Variants in SSH1 observed in about 807,000 individuals in gnomAD.
The protein encoded by SSH1 is protein phosphatase Slingshot homolog 1.
Under a neutral mutation model 79.7 loss-of-function variants are expected in SSH1, and 43 were observed. The observed-to-expected ratio is 0.54, with a 90% CI of 0.42 to 0.70. The LOEUF (loss-of-function observed/expected upper bound fraction) is 0.70. Ranked by LOEUF, SSH1 falls within the 30% of genes least tolerant of loss-of-function variation. The pLI, the probability that SSH1 is intolerant of heterozygous loss-of-function variation, is 0.00. For missense variants in SSH1, 1,206 were observed against 1,358.8 expected, an observed-to-expected ratio of 0.89 and a Z score of 1.77; for synonymous variants, 599 against 538.3, an observed-to-expected ratio of 1.11 and a Z score of -1.56.
chr12:108,839,218 C>T (rs990089890), intron 2 of SSH1, among the ~76,000 whole-genome samples: 21 of 152,196 alleles, frequency 1.4e-4, no homozygotes, highest in African/African-American at 5.1e-4. Context: ...TATTGTTTCA[C>T]AAGAGGTTCT....
intron 1 of SSH1, among the ~76,000 whole-genome samples, chr12:108,854,849 C>T (rs2039112800): frequency 1.3e-5 from 2 of 152,210 alleles, no homozygotes; most frequent in African/African-American, 4.8e-5. Flanking sequence ...CAGAACCGGC[C>T]TGGCCTAGGT....
At chr12:108,853,052 A>G in intron 1 of SSH1, 1 of 985,336 alleles carries the variant, frequency 1.0e-6, no homozygotes, top group Non-Finnish European at 1.2e-6. Context: ...GGTCATGTTT[A>G]AAGAGAATCC....
intron 2 of SSH1, among the ~76,000 whole-genome samples, chr12:108,834,851 T>C (rs921322525): frequency 6.6e-6 from 1 of 152,200 alleles, no homozygotes; most frequent in African/African-American, 2.4e-5. Context: ...TGAAAGTAAG[T>C]GCTGGTAGAT....
At chr12:108,826,292 A>T (rs1029407681) in intron 2 of SSH1, 6 of 384,744 alleles carry the variant, frequency 1.6e-5, no homozygotes, top group African/African-American at 1.3e-4. Context: ...ATGTTCCTAC[A>T]CTGATAAGAA....
rs547496616 is a variant in SSH1, at chr12:108,841,974, T to A, written c.110+10664A>T. 2.0e-5 allele frequency among the ~76,000 whole-genome samples: 3 copies of A among 151,916 alleles called. No homozygotes were observed. In the South Asian group the frequency reaches 6.3e-4, roughly 32 times the overall value. ...GCCTGGGCAACACAGTGAGACCCTG[T>A]CTCTACCAAAAATACAAGGTGGTGT... On this transcript the variant is annotated intron_variant, in intron 2 of 14. Transcript: ENST00000326495.
intron 10 of SSH1, 110 bp from the exon 11 acceptor site, chr12:108,802,478 C>G (rs1001668024): frequency 4.3e-5 from 40 of 938,832 alleles, no homozygotes; most frequent in Non-Finnish European, 5.7e-5. Context: ...ATTTCATGGC[C>G]CCATTGGCCT....
At chr12:108,851,068 G>A (rs1390262491) in intron 2 of SSH1, among the ~76,000 whole-genome samples, 3 of 152,062 alleles carry the variant, frequency 2.0e-5, no homozygotes, top group South Asian at 2.1e-4. Flanking sequence ...GAACCCTGAC[G>A]TGGGCCCTGA....
rs756465954 is a variant in SSH1 at position 108,788,162 on chromosome 12, C to T, written c.2976G>A (p.Leu992=). ...LGSLTFSTED[L]SSEADPSTVA... is the part of the protein sequence containing the mutation. ...CGGTGGACGGGTCAGCCTCACTGGA[C>T]AGGTCTTCCGTTGAGAAGGTGAGAC... The change falls in exon 15 of 15, where the codon CTG becomes CTA. Residue 992 remains leucine, a synonymous_variant. Transcript: ENST00000326495. 4.3e-6 allele frequency: 7 copies of T among 1,613,864 alleles called. No homozygotes were observed. The African/African-American group carries it at 9.4e-5, about 22-fold the overall frequency.
At chr12:108,831,442 T>C (rs1290520739) in intron 2 of SSH1, among the ~76,000 whole-genome samples, 1 of 152,174 alleles carries the variant, frequency 6.6e-6, no homozygotes, top group African/African-American at 2.4e-5. Flanking sequence ...TGCTAAGGCC[T>C]GAGAATTTAG....
intron 5 of SSH1, 140 bp downstream of exon 5, chr12:108,816,898 C>T (rs1026346024): frequency 1.5e-6 from 2 of 1,293,366 alleles, no homozygotes; most frequent in African/African-American, 2.9e-5. Context: ...CCCTAGTGTT[C>T]CCAGTGGCTC....
chr12:108,852,236 TTC>T (rs1195428342), intron 2 of SSH1, among the ~76,000 whole-genome samples: 1 of 148,968 alleles, frequency 6.7e-6, no homozygotes, highest in Non-Finnish European at 1.5e-5. Flanking sequence ...AATTGGCATA[TTC>T]TTTTTTTTTT....
rs1233127968 is a variant in SSH1 at position 108,857,583 on chromosome 12, T to G, written c.-87A>C. Reference sequence around the variant, plus strand: ...CGCCCGGGCCGGGCCCGGGGCCTCCTGGAGCCGCGCGCGGGCGGCCGGGCC... The same window carrying G: ...CGCCCGGGCCGGGCCCGGGGCCTCCGGGAGCCGCGCGCGGGCGGCCGGGCC... On this transcript the variant is annotated 5_prime_UTR_variant, in exon 1 of 15. Coordinates refer to ENST00000326495, the MANE Select transcript of SSH1 (RefSeq NM_018984.4). This position sits in a 1 kb window ranked among gnomAD's most constrained non-coding sequence, Gnocchi z 4.7. 7.5e-6 allele frequency: 6 copies of G among 799,470 alleles called. No individual in the cohort carries two copies. The highest frequency in any genetic ancestry group is 1.3e-4 in the East Asian group (1 of 7,816). The allele number at this position is 799,470 out of a possible 1,614,324, so 49.5% of individuals were successfully genotyped here.
At chr12:108,792,247 G>T (rs149188196) in intron 14 of SSH1, 39 bp downstream of exon 14, 19,765 of 1,614,102 alleles carry the variant, frequency 0.012, 121 homozygotes, top group Non-Finnish European at 0.014. Context: ...GGGATGGAAG[G>T]GATGGGGTGT....
intron 5 of SSH1, among the ~76,000 whole-genome samples, chr12:108,814,585 C>A (rs571847345): frequency 6.6e-6 from 1 of 152,124 alleles, no homozygotes; most frequent in African/African-American, 2.4e-5. Flanking sequence ...TCAGGCCCAG[C>A]GACAGGAAAG....
At chr12:108,802,881 G>A (rs999784580) in intron 10 of SSH1, among the ~76,000 whole-genome samples, 2 of 152,192 alleles carry the variant, frequency 1.3e-5, no homozygotes, top group Admixed American at 6.5e-5. Flanking sequence ...CTCACACAGT[G>A]ATTTAGGTAG....
chr12:108,799,233 T>A (rs2036883805), intron 12 of SSH1, 33 bp from the exon 13 acceptor site: 1 of 1,577,644 alleles, frequency 6.3e-7, no homozygotes, highest in African/African-American at 1.4e-5. Context: ...GGAGGAGAGA[T>A]GGGGGAGAAG....
chr12:108,779,995 T>A lies in SSH1; in HGVS notation c.*7993A>T, dbSNP rs954135196. On this transcript the variant is annotated 3_prime_UTR_variant, in exon 15 of 15. Transcript: ENST00000326495. The stretch of plus-strand genomic sequence containing the variant: ...CAACCCTCTCACCTCTTTTGAGATA[T>A]GCATCACAGACCACAATGCCCAGTT... 2 of 152,220 alleles carry A rather than the reference T, an allele frequency of 1.3e-5. No homozygotes were observed. The highest frequency in any genetic ancestry group is 2.9e-5 in the Non-Finnish European group (2 of 68,044). The allele number at this position is 152,220 out of a possible 1,614,324, so 9.4% of individuals were successfully genotyped here. A position where few individuals can be genotyped will look rare whatever the true frequency, so the allele number is the denominator to read the frequency against.
intron 1 of SSH1, among the ~76,000 whole-genome samples, chr12:108,853,786 C>A (rs142876100): frequency 6.6e-6 from 1 of 151,948 alleles, no homozygotes; most frequent in African/African-American, 2.4e-5. Flanking sequence ...TAGCCAGGCA[C>A]GGTGACATGT....
chr12:108,798,710 G>A (rs1033798801), intron 13 of SSH1, among the ~76,000 whole-genome samples: 5 of 152,200 alleles, frequency 3.3e-5, no homozygotes, highest in African/African-American at 7.2e-5. Context: ...CCACACACAC[G>A]AGGCCAGGCC....
Sources: allele counts gnomAD v4.1 joint callset (sites outside exome capture counted in the v4.1 genomes callset), GRCh38; gene constraint gnomAD v4.1.1; non-coding constraint Gnocchi (gnomAD v3.1); transcripts MANE v1.5; gene names NCBI Gene and HGNC (gene_info 2026-07-23, HGNC 2026-07-21).